The following SMAP1 variants were observed in gnomAD, a reference collection of about 807,000 sequenced individuals.
The protein encoded by SMAP1 is stromal membrane-associated protein 1.
Under a neutral mutation model 58.5 loss-of-function variants are expected in SMAP1, and 24 were observed. The observed-to-expected ratio is 0.41, with a 90% CI of 0.30 to 0.58. The LOEUF is 0.58. Ranked by LOEUF, SMAP1 falls within the 20% of genes least tolerant of loss-of-function variation. The pLI is 0.29. For missense variants in SMAP1, 563 were observed against 566.3 expected (o/e 0.99, Z 0.06); for synonymous variants, 216 against 196.6 (o/e 1.10, Z -0.82).
intron 4 of SMAP1, among the ~76,000 whole-genome samples, chr6:70,788,721 A>G (rs561200033): frequency 1.3e-5 from 2 of 152,312 alleles, no homozygotes; most frequent in African/African-American, 4.8e-5. Flanking sequence ...CAGAGTGTAT[A>G]TGAATGTAGC....
chr6:70,788,653 C>G (rs1052348147), intron 4 of SMAP1, among the ~76,000 whole-genome samples: 1 of 151,814 alleles, frequency 6.6e-6, no homozygotes, highest in Non-Finnish European at 1.5e-5. Context: ...GAGGAAAGGC[C>G]CCTAGAGTTC....
intron 3 of SMAP1, among the ~76,000 whole-genome samples, chr6:70,756,430 T>A (rs1425751906): frequency 1.3e-5 from 2 of 152,134 alleles, no homozygotes; most frequent in Non-Finnish European, 2.9e-5. Context: ...CACTCCTTTC[T>A]CACAAATTTA....
intron 4 of SMAP1, among the ~76,000 whole-genome samples, chr6:70,776,815 T>G (rs146770268): frequency 6.6e-6 from 1 of 152,318 alleles, no homozygotes; most frequent in African/African-American, 2.4e-5. Flanking sequence ...CTGTGAATGG[T>G]AGGATTTCAT....
intron 1 of SMAP1, among the ~76,000 whole-genome samples, chr6:70,725,537 G>C (rs1244836462): frequency 6.6e-6 from 1 of 152,104 alleles, no homozygotes; most frequent in African/African-American, 2.4e-5. Flanking sequence ...CTGTGGTATG[G>C]AAAGAGAAGG....
intron 2 of SMAP1, among the ~76,000 whole-genome samples, chr6:70,742,514 T>C (rs1021092482): frequency 6.6e-6 from 1 of 152,228 alleles, no homozygotes; most frequent in African/African-American, 2.4e-5. Flanking sequence ...CATATCATTA[T>C]CAGCATTTTG....
At chr6:70,804,477 G>A (rs757038075) in intron 6 of SMAP1, among the ~76,000 whole-genome samples, 70 of 151,908 alleles carry the variant, frequency 4.6e-4, no homozygotes, top group Non-Finnish European at 8.8e-5. Flanking sequence ...CTTTTAATTG[G>A]GGCATTTAGC....
chr6:70,766,621 A>G (rs1766999566), intron 3 of SMAP1, among the ~76,000 whole-genome samples: 1 of 151,926 alleles, frequency 6.6e-6, no homozygotes, highest in African/African-American at 2.4e-5. Context: ...AATTTGTTTG[A>G]GTTCATTGTA....
intron 6 of SMAP1, among the ~76,000 whole-genome samples, chr6:70,818,893 C>CATTACATGTCATATA (rs1769759886): frequency 1.4e-5 from 2 of 144,910 alleles, no homozygotes; most frequent in Non-Finnish European, 3.1e-5. Flanking sequence ...ATCATGTCAT[C>CATTACATGTCATATA]CATGTCACTC....
intron 1 of SMAP1, among the ~76,000 whole-genome samples, chr6:70,722,933 C>A (rs1230730089): frequency 1.3e-5 from 2 of 152,208 alleles, no homozygotes; most frequent in African/African-American, 4.8e-5. Flanking sequence ...TTGTTTATGG[C>A]CAGCTTTGGG....
intron 2 of SMAP1, among the ~76,000 whole-genome samples, chr6:70,745,232 T>A (rs1380645617): frequency 6.6e-6 from 1 of 152,174 alleles, no homozygotes; most frequent in Non-Finnish European, 1.5e-5. Flanking sequence ...GGTGTTTTAG[T>A]CATGAAGTCC....
rs57035119 is a variant in SMAP1 at position 70,861,042 on chromosome 6, C to T, written c.*708C>T. 8.7e-4 allele frequency: 207 copies of T among 238,690 alleles called. No homozygotes were observed. The highest frequency in any genetic ancestry group is 4.4e-3 in the African/African-American group (198 of 45,106). 14.8% of individuals were successfully genotyped at this position (238,690 alleles called of 1,614,324 possible). On this transcript the variant is annotated 3_prime_UTR_variant, in exon 11 of 11. Coordinates refer to ENST00000370455, the MANE Select transcript of SMAP1 (RefSeq NM_001044305.3). Reference sequence around the variant, plus strand: ...ATGCAAACAGGGTAACTAACTAAAACAAAGCCACTTTCAATCTTCAATCCT... The same window carrying T: ...ATGCAAACAGGGTAACTAACTAAAATAAAGCCACTTTCAATCTTCAATCCT...
intron 1 of SMAP1, among the ~76,000 whole-genome samples, chr6:70,715,406 T>G (rs1768227100): frequency 6.6e-6 from 1 of 152,242 alleles, no homozygotes; most frequent in African/African-American, 2.4e-5. Flanking sequence ...TGGGTTTCTT[T>G]GGATTAATCC....
At chr6:70,737,066 C>T (rs1250103225) in intron 2 of SMAP1, among the ~76,000 whole-genome samples, 1 of 152,194 alleles carries the variant, frequency 6.6e-6, no homozygotes, top group African/African-American at 2.4e-5. Context: ...CCAGACAGTT[C>T]TTTCTGCTGA....
chr6:70,742,291 C>G (rs572878304), intron 2 of SMAP1, among the ~76,000 whole-genome samples: 1 of 152,256 alleles, frequency 6.6e-6, no homozygotes, highest in East Asian at 1.9e-4. Context: ...TTAACAGCAC[C>G]CAAGTCACCT....
intron 1 of SMAP1, among the ~76,000 whole-genome samples, chr6:70,714,840 T>G (rs1192830061): frequency 6.6e-6 from 1 of 152,142 alleles, no homozygotes; most frequent in Non-Finnish European, 1.5e-5. Context: ...CACCTTTATC[T>G]CCCCTTCAGC....
At chr6:70,757,795 A>G (rs1766563043) in intron 3 of SMAP1, among the ~76,000 whole-genome samples, 1 of 152,268 alleles carries the variant, frequency 6.6e-6, no homozygotes, top group Non-Finnish European at 1.5e-5. Flanking sequence ...GCGATTAGAG[A>G]AATGCAAATC....
chr6:70,798,200 A>C (rs1452024431), intron 5 of SMAP1, among the ~76,000 whole-genome samples: 3 of 151,922 alleles, frequency 2.0e-5, no homozygotes, highest in Admixed American at 1.3e-4. Context: ...CTGATTTTAT[A>C]GTCTTCCCCT....
intron 6 of SMAP1, among the ~76,000 whole-genome samples, chr6:70,830,196 T>TA (rs917403789): frequency 9.2e-5 from 14 of 152,220 alleles, no homozygotes; most frequent in Non-Finnish European, 1.8e-4. Flanking sequence ...CTTCACTTAT[T>TA]AAAAGACAAA....
intron 4 of SMAP1, among the ~76,000 whole-genome samples, chr6:70,781,631 A>G (rs943261283): frequency 1.3e-5 from 2 of 152,220 alleles, no homozygotes; most frequent in Admixed American, 1.3e-4. Flanking sequence ...CAGTGACTGT[A>G]TCTTTTTCAC....
Sources: allele counts gnomAD v4.1 joint callset (sites outside exome capture counted in the v4.1 genomes callset), GRCh38; gene constraint gnomAD v4.1.1; transcripts MANE v1.5; gene names NCBI Gene and HGNC (gene_info 2026-07-23, HGNC 2026-07-21).